The following TCAF1 variants were observed in gnomAD, a reference collection of about 807,000 sequenced individuals.
TCAF1 encodes TRPM8 channel-associated factor 1.
Under a neutral mutation model 27.3 loss-of-function variants are expected in TCAF1, and 4 were observed. The ratio of observed to expected loss-of-function variants is 0.15; its 90% CI spans 0.07 to 0.34. The LOEUF (loss-of-function observed/expected upper bound fraction) is 0.34, where lower values mean the gene tolerates loss of function less well. TCAF1 is among the 10% of genes least tolerant of loss of function. The probability of loss-of-function intolerance (pLI) is 1.00; values close to 1 mark genes in which losing one functional copy is unlikely to be tolerated. For synonymous variants in TCAF1, 105 were observed against 167.1 expected (o/e 0.63, Z 2.87); for missense variants, 257 against 425.8 (o/e 0.60, Z 3.49).
intron 1 of TCAF1, chr7:143,885,031 A>C (rs1192047144): frequency 1.1e-5 from 11 of 985,094 alleles, no homozygotes; most frequent in Non-Finnish European, 1.3e-5. Flanking sequence ...CCAGGCCAAA[A>C]ACGCGACCAC....
intron 1 of TCAF1, among the ~76,000 whole-genome samples, chr7:143,895,521 A>G (rs1044163318): frequency 1.3e-5 from 2 of 151,844 alleles, no homozygotes; most frequent in African/African-American, 4.8e-5. Context: ...AGGGAAAAAC[A>G]AAGTCTTCTG....
At chr7:143,882,883 G>C (rs1369830519) in intron 1 of TCAF1, 1 of 985,374 alleles carries the variant, frequency 1.0e-6, no homozygotes. Flanking sequence ...AGCTGGAGGA[G>C]AGGAGGGGTT....
intron 1 of TCAF1, chr7:143,885,407 G>A: frequency 1.0e-6 from 1 of 985,466 alleles, no homozygotes; most frequent in African/African-American, 1.7e-5. Context: ...ATTGGCTGCC[G>A]CGGGTGGAGG....
At chr7:143,874,904 T>G (rs1414094482) in intron 2 of TCAF1, among the ~76,000 whole-genome samples, 1 of 152,234 alleles carries the variant, frequency 6.6e-6, no homozygotes, top group Non-Finnish European at 1.5e-5. Flanking sequence ...ATAATATGTT[T>G]AATAAACCCT....
intron 1 of TCAF1, chr7:143,882,478 G>A (rs1464171466): frequency 1.0e-6 from 1 of 985,294 alleles, no homozygotes; most frequent in Non-Finnish European, 1.2e-6. Context: ...GTCAGAACCT[G>A]GAGAGGAGGA....
At chr7:143,897,131 AATATATATATAT>A (rs5888117) in intron 1 of TCAF1, among the ~76,000 whole-genome samples, 16,048 of 80,260 alleles carry the variant, frequency 0.2, 1,235 homozygotes, top group Non-Finnish European at 0.26. Flanking sequence ...GTTAATCTTG[AATATATATATAT>A]ATATATATAT....
At chr7:143,882,408 C>T (rs1387826899) in intron 1 of TCAF1, 14 of 985,308 alleles carry the variant, frequency 1.4e-5, no homozygotes, top group African/African-American at 1.7e-5. Context: ...AGACGCGGTT[C>T]TCTAGGTCAG....
chr7:143,900,928 A>G (rs920951547), intron 1 of TCAF1, among the ~76,000 whole-genome samples: 2 of 152,208 alleles, frequency 1.3e-5, no homozygotes, highest in Admixed American at 6.5e-5. Context: ...AAGCCAATAC[A>G]TATGTTTTAG....
intron 1 of TCAF1, among the ~76,000 whole-genome samples, chr7:143,894,727 AT>A (rs929328272): frequency 5.9e-5 from 9 of 151,880 alleles, no homozygotes; most frequent in Admixed American, 4.6e-4. Context: ...TATTATAAAA[AT>A]TAAATAAAGA....
At chr7:143,878,808 A>G (rs1429762703) in intron 1 of TCAF1, among the ~76,000 whole-genome samples, 3 of 152,170 alleles carry the variant, frequency 2.0e-5, no homozygotes, top group Admixed American at 1.3e-4. Flanking sequence ...CACAAGTCCT[A>G]TTAATGTCCT....
intron 1 of TCAF1, among the ~76,000 whole-genome samples, chr7:143,878,492 A>G (rs1812844205): frequency 6.6e-6 from 1 of 152,190 alleles, no homozygotes; most frequent in South Asian, 2.1e-4. Context: ...TGAGGTAACA[A>G]GTTCAAGACC....
chr7:143,896,861 G>C (rs575933961), intron 1 of TCAF1, among the ~76,000 whole-genome samples: 1 of 151,554 alleles, frequency 6.6e-6, no homozygotes, highest in East Asian at 1.9e-4. Context: ...AATGAGCTAA[G>C]CATATAATTT....
At chr7:143,892,656 T>C (rs1813696959) in intron 1 of TCAF1, among the ~76,000 whole-genome samples, 1 of 151,908 alleles carries the variant, frequency 6.6e-6, no homozygotes, top group Non-Finnish European at 1.5e-5. Flanking sequence ...ATAGATTGCA[T>C]GTTTGTGTCC....
intron 1 of TCAF1, chr7:143,885,268 A>G (rs1485777429): frequency 3.0e-6 from 3 of 985,220 alleles, no homozygotes; most frequent in Non-Finnish European, 3.6e-6. Context: ...TTCCACAGAG[A>G]TGTGGGAAGG....
At chr7:143,897,402 T>C (rs994096995) in intron 1 of TCAF1, among the ~76,000 whole-genome samples, 1 of 151,740 alleles carries the variant, frequency 6.6e-6, no homozygotes, top group Admixed American at 6.6e-5. Context: ...CTTAATAACA[T>C]TTTCTTTTTC....
At chr7:143,892,476 A>G (rs1053885200) in intron 1 of TCAF1, among the ~76,000 whole-genome samples, 1 of 152,034 alleles carries the variant, frequency 6.6e-6, no homozygotes, top group South Asian at 2.1e-4. Context: ...GAAAATAACA[A>G]AGAAGAAATG....
intron 1 of TCAF1, among the ~76,000 whole-genome samples, chr7:143,888,059 A>C (rs1813494076): frequency 6.6e-6 from 1 of 152,228 alleles, no homozygotes; most frequent in African/African-American, 2.4e-5. Flanking sequence ...CAAGCTGTAC[A>C]TTTATGATAT....
chr7:143,878,873 C>A (rs1473887780), intron 1 of TCAF1, among the ~76,000 whole-genome samples: 3 of 152,160 alleles, frequency 2.0e-5, no homozygotes, highest in African/African-American at 7.2e-5. Flanking sequence ...CTTAGTAATT[C>A]ATGCCTGGAC....
intron 6 of TCAF1, among the ~76,000 whole-genome samples, chr7:143,859,995 TTATATAA>T (rs1182318031): frequency 0.018 from 213 of 11,680 alleles, 34 homozygotes; most frequent in Non-Finnish European, 0.048. Context: ...ATAATATATA[TTATATAA>T]TATATATATA....
Sources: gnomAD v4.1 joint callset for allele counts (sites outside exome capture counted in the v4.1 genomes callset) on GRCh38, gnomAD v4.1.1 for gene constraint, MANE v1.5 for transcripts, NCBI Gene and HGNC (gene_info 2026-07-23, HGNC 2026-07-21) for gene names.